ZSWIM9: variants seen among roughly 807,000 people sequenced by gnomAD.
ZSWIM9 encodes zinc finger SWIM-type containing 9.
ZSWIM9 carries 11 observed loss-of-function variants against 25.0 expected under a neutral mutation model. That is an observed-to-expected ratio of 0.44 (90% CI 0.28 to 0.73). The LOEUF is 0.73. Ranked by LOEUF, ZSWIM9 falls within the 30% of genes least tolerant of loss-of-function variation. The pLI is 0.16. For missense variants in ZSWIM9, 1,070 were observed against 1,296.5 expected, an observed-to-expected ratio of 0.83 and a Z score of 2.68; for synonymous variants, 562 against 582.1, an observed-to-expected ratio of 0.97 and a Z score of 0.50.
intron 2 of ZSWIM9, 97 bp downstream of exon 2, chr19:48,172,174 C>A: frequency 1.6e-6 from 2 of 1,275,360 alleles, no homozygotes; most frequent in Non-Finnish European, 2.1e-6. Flanking sequence ...CCCAGAGATG[C>A]AGAGGGGGAG....
chr19:48,192,497 A>ATC (rs2037108333), intron 3 of ZSWIM9, among the ~76,000 whole-genome samples: 1 of 55,016 alleles, frequency 1.8e-5, no homozygotes, highest in Non-Finnish European at 4.2e-5. Flanking sequence ...ATATATATAT[A>ATC]TACACACACA....
chr19:48,180,733 C>CTTTTTCTTTTTTTCT (rs1568576009), intron 2 of ZSWIM9: 1 of 149,562 alleles, frequency 6.7e-6, no homozygotes, highest in Non-Finnish European at 1.5e-5. Context: ...AAAGAGTTTT[C>CTTTTTCTTTTTTTCT]TTTTTCTTTT....
chr19:48,196,897 A>G lies in ZSWIM9; in HGVS notation c.*70A>G, dbSNP rs2037173974. On this transcript the variant is annotated 3_prime_UTR_variant, in exon 4 of 4. Coordinates refer to ENST00000614654, the MANE Select transcript of ZSWIM9 (RefSeq NM_199341.4). ...GGCATTCTTCGATCCCAAAGATAAT[A>G]GGGCTGAGGCCAAGGAGACCGTTGC... 8.0e-7 allele frequency: 1 copy of G among 1,244,182 alleles called. No homozygotes were observed. The allele number at this position is 1,244,182 out of a possible 1,614,324, so 77.1% of individuals were successfully genotyped here. A position where few individuals can be genotyped will look rare whatever the true frequency, so the allele number is the denominator to read the frequency against.
In ZSWIM9 at chr19:48,194,640, C is replaced by G; in HGVS notation, c.589-13C>G. 1 of 1,423,130 alleles carries G rather than the reference C, an allele frequency of 7.0e-7. No individual in the cohort carries two copies. Among genetic ancestry groups the G allele is most frequent in the Non-Finnish European group, 9.2e-7 (1 of 1,084,516 alleles). The allele number at this position is 1,423,130 out of a possible 1,614,324, so 88.2% of individuals were successfully genotyped here. ...TCTGACCTCTTTCCTTGCCTCCCTG[C>G]CCCCGCCCGCAGGTGAAGCTGGTGT... On this transcript the variant is annotated splice_polypyrimidine_tract_variant and intron_variant, in intron 3 of 3. Coordinates refer to ENST00000614654, the MANE Select transcript of ZSWIM9 (RefSeq NM_199341.4). The surrounding 1 kb of genome is among the most constrained non-coding windows in gnomAD (Gnocchi z 6.0).
At chr19:48,179,847 T>G (rs575956784) in intron 2 of ZSWIM9, among the ~76,000 whole-genome samples, 1 of 152,140 alleles carries the variant, frequency 6.6e-6, no homozygotes, top group Admixed American at 6.5e-5. Context: ...ACAATACCAA[T>G]TTATTTATCT....
Position 48,197,367 on chromosome 19 carries a change from G to T in ZSWIM9, c.*540G>T. On this transcript the variant is annotated 3_prime_UTR_variant, in exon 4 of 4. Transcript: ENST00000614654. The stretch of plus-strand genomic sequence containing the variant: ...CATGAGGAAAAGCTGGGGGAAGCAG[G>T]AGAGGAAGGGACGGGATGTAGGAGG... The T allele has an allele frequency of 1.4e-6, 1 of 690,516 alleles. No individual in the cohort carries two copies. Among genetic ancestry groups the T allele is most frequent in the South Asian group, 1.5e-5 (1 of 65,262 alleles). 42.8% of individuals were successfully genotyped at this position (690,516 alleles called of 1,614,324 possible). A position where few individuals can be genotyped will look rare whatever the true frequency, so the allele number is the denominator to read the frequency against.
At chr19:48,178,486 T>C (rs1004521724) in intron 2 of ZSWIM9, among the ~76,000 whole-genome samples, 7 of 152,084 alleles carry the variant, frequency 4.6e-5, no homozygotes, top group African/African-American at 1.4e-4. Context: ...GAGCCAGGGT[T>C]TCTTAACTAC....
rs1277657801 is a variant in ZSWIM9, at chr19:48,189,661, A to G, written c.589-4992A>G. 4 of 154,378 alleles carry G rather than the reference A, an allele frequency of 2.6e-5. No homozygotes were observed. The Admixed American group carries it at 2.6e-4, about 10-fold the overall frequency. 9.6% of individuals were successfully genotyped at this position (154,378 alleles called of 1,614,324 possible). A position where few individuals can be genotyped will look rare whatever the true frequency, so the allele number is the denominator to read the frequency against. ...TTAAGTTAAAAAAGCAAAATGCAAA[A>G]CTGTACATAATATGCTGTATTATCT... On this transcript the variant is annotated intron_variant, in intron 3 of 3. Transcript: ENST00000614654.
intron 3 of ZSWIM9, among the ~76,000 whole-genome samples, chr19:48,188,603 G>A (rs1599932089): frequency 6.6e-6 from 1 of 152,156 alleles, no homozygotes; most frequent in East Asian, 1.9e-4. Context: ...TCCCTCACTT[G>A]TGGCAGGCAC....
Position 48,196,103 on chromosome 19 carries a change from A to G in ZSWIM9, c.2039A>G (p.Asp680Gly). The change falls in exon 4 of 4, where the codon GAC becomes GGC. Residue 680 changes from aspartate (D) to glycine (G), a missense_variant. By Grantham distance (94) the Asp-to-Gly change is moderately conservative (BLOSUM62 -1). Around this residue, in one of 4 missense-constraint regions of ZSWIM9, gnomAD observed 583 missense variants for 624.7 expected, o/e 0.93. Coordinates refer to ENST00000614654, the MANE Select transcript of ZSWIM9 (RefSeq NM_199341.4). The part of the protein sequence containing the change: ...KSLELAPENG[D>G]QRGPQWEDER... ...CTGGAGTTGGCCCCTGAGAACGGAG[A>G]CCAAAGGGGACCCCAGTGGGAAGAT... 2.4e-6 allele frequency: 3 copies of G among 1,242,004 alleles called. No individual in the cohort carries two copies. In the South Asian group the frequency reaches 1.1e-4, roughly 47 times the overall value. 76.9% of individuals were successfully genotyped at this position (1,242,004 alleles called of 1,614,324 possible). A position where few individuals can be genotyped will look rare whatever the true frequency, so the allele number is the denominator to read the frequency against.
intron 3 of ZSWIM9, among the ~76,000 whole-genome samples, chr19:48,191,302 T>A (rs1040296744): frequency 1.3e-5 from 2 of 152,152 alleles, no homozygotes; most frequent in African/African-American, 4.8e-5. Flanking sequence ...CCTCCCGGGT[T>A]CAAGCAATTC....
At chr19:48,177,645 G>A (rs2036906509) in intron 2 of ZSWIM9, among the ~76,000 whole-genome samples, 1 of 152,124 alleles carries the variant, frequency 6.6e-6, no homozygotes, top group Non-Finnish European at 1.5e-5. Context: ...CAGAAGAGGT[G>A]ACCTACCCGG....
Position 48,195,325 on chromosome 19 carries a change from C to G in ZSWIM9, c.1261C>G (p.Arg421Gly), listed in dbSNP as rs1388330994. 3.9e-6 allele frequency: 6 copies of G among 1,530,046 alleles called. No homozygotes were observed. In the Admixed American group the frequency reaches 7.9e-5, roughly 20 times the overall value. The allele number at this position is 1,530,046 out of a possible 1,614,324, so 94.8% of individuals were successfully genotyped here. ...ACTGCTGCGTCGTCTCAGCCCCTCG[C>G]GTGGCGTGGCGCAGTGCCTTCGCGA... is the stretch of plus-strand genomic sequence containing the variant. ...RRLLRRLSPSRGVAQCLRDLV... is the reference protein window; with the variant it reads ...RRLLRRLSPSGGVAQCLRDLV... Residue 421 changes from arginine to glycine, a missense_variant, in exon 4 of 4, where the codon CGT (arginine) becomes GGT (glycine). By Grantham distance (125) the Arg-to-Gly change is moderately radical. Coordinates refer to ENST00000614654, the MANE Select transcript of ZSWIM9 (RefSeq NM_199341.4). The surrounding 1 kb of genome is among the most constrained non-coding windows in gnomAD (Gnocchi z 5.8).
At chr19:48,188,383 T>C (rs2037055822) in intron 3 of ZSWIM9, among the ~76,000 whole-genome samples, 1 of 152,006 alleles carries the variant, frequency 6.6e-6, no homozygotes, top group Non-Finnish European at 1.5e-5. Flanking sequence ...CCACCAGGCC[T>C]GGCTAATTTT....
In ZSWIM9 at chr19:48,195,184, G is replaced by A; in HGVS notation, c.1120G>A (p.Val374Met). 6.6e-7 allele frequency: 1 copy of A among 1,523,828 alleles called. No homozygotes were observed. Among genetic ancestry groups the A allele is most frequent in the Non-Finnish European group, 8.8e-7 (1 of 1,140,142 alleles). The allele number at this position is 1,523,828 out of a possible 1,614,324, so 94.4% of individuals were successfully genotyped here. Residue 374 changes from valine to methionine, a missense_variant, in exon 4 of 4, where the codon GTG becomes ATG. By Grantham distance (21) the Val-to-Met change is conservative. This residue lies in a region of ZSWIM9 where 184 missense variants were observed against 243.1 expected (regional missense o/e 0.76). Coordinates refer to ENST00000614654, the MANE Select transcript of ZSWIM9 (RefSeq NM_199341.4). This position sits in a 1 kb window ranked among gnomAD's most constrained non-coding sequence, Gnocchi z 5.8. ...ELHAHGPAAF[V>M]DYFERNWEPR... ...CCACGCCCACGGCCCAGCCGCCTTCGTGGACTACTTCGAGCGCAACTGGGA... is the reference window on the plus strand; with the variant it reads ...CCACGCCCACGGCCCAGCCGCCTTCATGGACTACTTCGAGCGCAACTGGGA...
chr19:48,187,565 A>AATTAT (rs2037041529), intron 3 of ZSWIM9: 1 of 23,684 alleles, frequency 4.2e-5, no homozygotes, highest in East Asian at 2.2e-3. Flanking sequence ...TATTATATAT[A>AATTAT]ATATTATATA....
At chr19:48,172,142 G>GGGTGGC in intron 2 of ZSWIM9, 65 bp downstream of exon 2, 1 of 546,426 alleles carries the variant, frequency 1.8e-6, no homozygotes, top group Non-Finnish European at 3.2e-6. Flanking sequence ...GTGTGGGTGG[G>GGGTGGC]AGACGGGCAG....
chr19:48,171,778 C>T lies in ZSWIM9; in HGVS notation c.-9-16C>T, dbSNP rs1469734133. 10 of 1,522,000 alleles carry T rather than the reference C, an allele frequency of 6.6e-6. No individual in the cohort carries two copies. Among genetic ancestry groups the T allele is most frequent in the African/African-American group, 5.5e-5 (4 of 72,624 alleles). 94.3% of individuals were successfully genotyped at this position (1,522,000 alleles called of 1,614,324 possible). On this transcript the variant is annotated splice_polypyrimidine_tract_variant and intron_variant, in intron 1 of 3. Transcript: ENST00000614654. Reference sequence around the variant, plus strand: ...AATGGGTCTGATATCCACCTGTTCTCCCCTCCTCCACGCAGGCCCCCAGGA... The same window carrying T: ...AATGGGTCTGATATCCACCTGTTCTTCCCTCCTCCACGCAGGCCCCCAGGA...
At chr19:48,189,685 C>A (rs532789474) in intron 3 of ZSWIM9, 1 of 154,262 alleles carries the variant, frequency 6.5e-6, no homozygotes, top group Non-Finnish European at 1.5e-5. Flanking sequence ...GCTGTATTAT[C>A]TATAAAATAG....
Sources: allele counts gnomAD v4.1 joint callset (sites outside exome capture counted in the v4.1 genomes callset), GRCh38; gene constraint gnomAD v4.1.1; regional missense constraint gnomAD v4.1.1; non-coding constraint Gnocchi (gnomAD v3.1); transcripts MANE v1.5; gene names NCBI Gene and HGNC (gene_info 2026-07-23, HGNC 2026-07-21).